The following HIP1 variants were observed in gnomAD, a reference collection of about 807,000 sequenced individuals.
HIP1 encodes the protein huntingtin interacting protein 1.
Under a neutral mutation model 147.6 loss-of-function variants are expected in HIP1, and 65 were observed. The ratio of observed to expected loss-of-function variants is 0.44; its 90% CI spans 0.36 to 0.54. The LOEUF is 0.54. HIP1 is among the 20% of genes least tolerant of loss of function. The pLI is 0.00. For missense variants in HIP1, 1,061 were observed against 1,299.6 expected (o/e 0.82, Z 2.82); for synonymous variants, 479 against 504.0 (o/e 0.95, Z 0.67).
chr7:75,702,153 C>G (rs1464304049), intron 1 of HIP1, among the ~76,000 whole-genome samples: 3 of 151,674 alleles, frequency 2.0e-5, no homozygotes, highest in Admixed American at 2.0e-4. Flanking sequence ...CTCTATTGCC[C>G]AGGCTGGAAT....
At chr7:75,555,195 CGGGGGGGGG>C (rs371043786) in intron 19 of HIP1, among the ~76,000 whole-genome samples, 2 of 23,604 alleles carry the variant, frequency 8.5e-5, no homozygotes, top group Non-Finnish European at 2.0e-4. Context: ...AGCGGGGGGG[CGGGGGGGGG>C]GAAGAAAATA....
chr7:75,623,195 CTCAAAAAAAAAAA>C (rs1554507450), intron 1 of HIP1, among the ~76,000 whole-genome samples: 5 of 106,452 alleles, frequency 4.7e-5, no homozygotes, highest in South Asian at 3.4e-4. Flanking sequence ...GGGACTCCAT[CTCAAAAAAAAAAA>C]GCAAAAAAAA....
In HIP1 at chr7:75,581,231, A is replaced by T. The variant is rs587627254; in HGVS notation, c.604+6T>A. 62 of 1,605,740 alleles carry T rather than the reference A, an allele frequency of 3.9e-5. No individual in the cohort carries two copies. In the East Asian group the frequency reaches 1.3e-3, roughly 34 times the overall value. Reference sequence around the variant, plus strand: ...GCCTGGGTTAGACGGGAGGGAAGAGACTCACCTGTTTGGAAGAGGTTGAGT... The same window carrying T: ...GCCTGGGTTAGACGGGAGGGAAGAGTCTCACCTGTTTGGAAGAGGTTGAGT... On this transcript the variant is annotated splice_donor_region_variant and intron_variant, in intron 7 of 30. Coordinates refer to ENST00000336926, the MANE Select transcript of HIP1 (RefSeq NM_005338.7).
intron 1 of HIP1, among the ~76,000 whole-genome samples, chr7:75,607,984 C>T (rs1315731859): frequency 3.9e-5 from 6 of 152,174 alleles, no homozygotes; most frequent in African/African-American, 1.4e-4. Context: ...ACAAGGGAGC[C>T]GTGACTCAAA....
chr7:75,609,903 CTT>C (rs56106169), intron 1 of HIP1, among the ~76,000 whole-genome samples: 18 of 130,944 alleles, frequency 1.4e-4, no homozygotes, highest in Admixed American at 3.2e-4. Context: ...CTCTTCTTTT[CTT>C]TTTTTTTTTT....
chr7:75,649,229 G>A (rs4573208), intron 1 of HIP1, among the ~76,000 whole-genome samples: 7,166 of 152,132 alleles, frequency 0.047, 293 homozygotes, highest in East Asian at 0.16. Flanking sequence ...TCTCCATGTT[G>A]GTCAGGCTAG....
intron 1 of HIP1, among the ~76,000 whole-genome samples, chr7:75,678,706 G>A (rs561099864): frequency 6.6e-6 from 1 of 152,278 alleles, no homozygotes; most frequent in East Asian, 1.9e-4. Context: ...GCACGTTGCC[G>A]ATTATCTGCT....
At chr7:75,575,824 A>C (rs587598544) in intron 7 of HIP1, among the ~76,000 whole-genome samples, 8 of 152,058 alleles carry the variant, frequency 5.3e-5, no homozygotes, top group East Asian at 1.9e-4. Flanking sequence ...TCCCTCTGTG[A>C]GTGGAACTGG....
intron 1 of HIP1, among the ~76,000 whole-genome samples, chr7:75,725,942 C>T (rs1444737576): frequency 1.3e-5 from 2 of 151,444 alleles, no homozygotes; most frequent in African/African-American, 4.9e-5. Flanking sequence ...CTGCCTCAGC[C>T]TCCCTGTAGC....
At chr7:75,599,047 C>A (rs879962465) in intron 2 of HIP1, 137 bp downstream of exon 2, 5 of 661,402 alleles carry the variant, frequency 7.6e-6, no homozygotes, top group Non-Finnish European at 1.4e-5. Flanking sequence ...AAGCTGCCGT[C>A]ATCAGAAGCT....
chr7:75,549,282 C>A (rs1794689328), intron 22 of HIP1, among the ~76,000 whole-genome samples: 1 of 152,082 alleles, frequency 6.6e-6, no homozygotes, highest in South Asian at 2.1e-4. Flanking sequence ...AGACCCCAGT[C>A]CCTTAGTTGT....
chr7:75,545,383 T>C (rs1394240458), intron 25 of HIP1, among the ~76,000 whole-genome samples, 195 bp from the exon 26 acceptor site: 2 of 152,224 alleles, frequency 1.3e-5, no homozygotes, highest in Non-Finnish European at 2.9e-5. Context: ...GGCGCTCGCC[T>C]GTAATCCCAG....
At chr7:75,560,363 T>G (rs1795185427) in intron 13 of HIP1, among the ~76,000 whole-genome samples, 1 of 152,074 alleles carries the variant, frequency 6.6e-6, no homozygotes, top group Non-Finnish European at 1.5e-5. Flanking sequence ...ATCCTCTAGC[T>G]TCAGCCTCCC....
intron 8 of HIP1, among the ~76,000 whole-genome samples, chr7:75,573,043 G>A (rs919028291): frequency 3.3e-5 from 5 of 152,188 alleles, no homozygotes; most frequent in Non-Finnish European, 4.4e-5. Context: ...GTGAAAGGGC[G>A]GGTCCCCGGT....
At chr7:75,546,145 A>G (rs1794554875) in intron 25 of HIP1, among the ~76,000 whole-genome samples, 1 of 152,122 alleles carries the variant, frequency 6.6e-6, no homozygotes, top group African/African-American at 2.4e-5. Context: ...ATGATCTGAA[A>G]AGAGTCTAGC....
In HIP1 at chr7:75,533,869, G is replaced by A. The variant is rs992407134; in HGVS notation, c.*4303C>T. 5 of 235,024 alleles carry A rather than the reference G, an allele frequency of 2.1e-5. No homozygotes were observed. The highest frequency in any genetic ancestry group is 4.2e-5 in the Non-Finnish European group (5 of 119,156). The allele number at this position is 235,024 out of a possible 1,614,324, so 14.6% of individuals were successfully genotyped here. On this transcript the variant is annotated 3_prime_UTR_variant, in exon 31 of 31. Coordinates refer to ENST00000336926, the MANE Select transcript of HIP1 (RefSeq NM_005338.7). Reference sequence around the variant, plus strand: ...CGCCGATGGCTGGCAGGTCCGTGGTGGTGGTTTTCTATGCTACAGGTGGTG... The same window carrying A: ...CGCCGATGGCTGGCAGGTCCGTGGTAGTGGTTTTCTATGCTACAGGTGGTG...
intron 1 of HIP1, among the ~76,000 whole-genome samples, chr7:75,666,973 G>T (rs1203182645): frequency 6.6e-6 from 1 of 152,000 alleles, no homozygotes; most frequent in Non-Finnish European, 1.5e-5. Context: ...TACGAAAAGG[G>T]TTATAAATAT....
At chr7:75,604,146 A>T (rs1797125511) in intron 1 of HIP1, among the ~76,000 whole-genome samples, 1 of 152,208 alleles carries the variant, frequency 6.6e-6, no homozygotes, top group Admixed American at 6.5e-5. Flanking sequence ...GGGCACCATG[A>T]CAATGGCAAA....
At position 75,633,156 on chromosome 7, in the gene HIP1, GA is replaced by G. The variant is rs1160649799; in HGVS notation, c.121-33910del. 8.4e-4 allele frequency among the ~76,000 whole-genome samples: 125 copies of G among 148,834 alleles called. 1 individual carries two copies. The highest frequency in any genetic ancestry group is 3.5e-3 in the Middle Eastern group (1 of 284). ...TGTACCCCTGAACTTAAAAGTTGAA[GA>G]AAAAAAAAATACATTTTACAGGGCC... On this transcript the variant is annotated intron_variant, in intron 1 of 30. Coordinates refer to ENST00000336926, the MANE Select transcript of HIP1 (RefSeq NM_005338.7).
Sources: allele counts gnomAD v4.1 joint callset (sites outside exome capture counted in the v4.1 genomes callset), GRCh38; gene constraint gnomAD v4.1.1; transcripts MANE v1.5; gene names NCBI Gene and HGNC (gene_info 2026-07-23, HGNC 2026-07-21).